VSX2: variants seen among roughly 807,000 people sequenced by gnomAD.
The protein encoded by VSX2 is ceh-10 homeo domain containing homolog.
A neutral mutation model predicts 32.1 loss-of-function variants in VSX2; 28 were observed. That is an observed-to-expected ratio of 0.87 (90% CI 0.65 to 1.20). The LOEUF is 1.20. VSX2 is among the 50% of genes most tolerant of loss of function. The pLI, the probability that VSX2 is intolerant of heterozygous loss-of-function variation, is 0.00. For synonymous variants in VSX2, 243 were observed against 214.1 expected, an observed-to-expected ratio of 1.14 and a Z score of -1.18; for missense variants, 506 against 488.7, an observed-to-expected ratio of 1.04 and a Z score of -0.33.
chr14:74,255,499 C>T (rs1292846090), intron 3 of VSX2, among the ~76,000 whole-genome samples: 4 of 152,188 alleles, frequency 2.6e-5, no homozygotes, highest in African/African-American at 9.7e-5. Flanking sequence ...GGCACTGGCT[C>T]CCCTGGGAGA....
intron 3 of VSX2, among the ~76,000 whole-genome samples, chr14:74,246,084 G>A (rs2079190257): frequency 6.6e-6 from 1 of 152,242 alleles, no homozygotes; most frequent in South Asian, 2.1e-4. Context: ...GGAGGATGGA[G>A]TCTGGGCAGG....
Position 74,258,683 on chromosome 14 carries a change from TG to T in VSX2, c.580-914del, listed in dbSNP as rs1256840042. Reference sequence around the variant, plus strand: ...GCGGGAAATCTCCGGAAAGCTGCTCTGGGGGACCAAGAAATGTTCCCTCCTC... The same window carrying T: ...GCGGGAAATCTCCGGAAAGCTGCTCTGGGGACCAAGAAATGTTCCCTCCTC... On this transcript the variant is annotated intron_variant, in intron 3 of 4. Transcript: ENST00000261980. 3.9e-5 allele frequency among the ~76,000 whole-genome samples: 6 copies of T among 152,276 alleles called. No homozygotes were observed. In the East Asian group the frequency reaches 9.6e-4, roughly 24 times the overall value.
intron 2 of VSX2, 93 bp downstream of exon 2, chr14:74,241,359 G>C: frequency 2.2e-6 from 3 of 1,389,342 alleles, no homozygotes; most frequent in Non-Finnish European, 3.0e-6. Flanking sequence ...TATTTTCGCC[G>C]ACAACGGATC....
intron 3 of VSX2, among the ~76,000 whole-genome samples, chr14:74,247,357 C>T (rs1387860236): frequency 6.6e-6 from 1 of 152,190 alleles, no homozygotes; most frequent in Non-Finnish European, 1.5e-5. Flanking sequence ...TGGCTGGGCT[C>T]CTGGCCGGGC....
At chr14:74,249,545 C>T (rs1225025803) in intron 3 of VSX2, among the ~76,000 whole-genome samples, 1 of 152,210 alleles carries the variant, frequency 6.6e-6, no homozygotes, top group East Asian at 1.9e-4. Context: ...GCTGGGATTA[C>T]AGGTGTAAAC....
At chr14:74,241,032 G>C (rs1455836456) in intron 1 of VSX2, 150 bp from the exon 2 acceptor site, 5 of 742,098 alleles carry the variant, frequency 6.7e-6, no homozygotes, top group Non-Finnish European at 9.3e-6. Context: ...TCAGGGATGG[G>C]ACGGCCACCG....
intron 2 of VSX2, among the ~76,000 whole-genome samples, chr14:74,243,403 C>T (rs963160385): frequency 2.6e-5 from 4 of 152,114 alleles, no homozygotes; most frequent in African/African-American, 9.7e-5. Context: ...AGTGTGTCAG[C>T]TCTGAGGCAT....
In VSX2 at chr14:74,260,896, C is replaced by T; in HGVS notation, c.1063C>T (p.Pro355Ser). 6.4e-7 allele frequency: 1 copy of T among 1,562,234 alleles called. No homozygotes were observed. The highest frequency in any genetic ancestry group is 8.7e-7 in the Non-Finnish European group (1 of 1,154,056). ...EDRPAERLSP[P>S]QLEDMA ...CAGGCCGGCGGAGAGGCTCAGTCCA[C>T]CGCAGCTGGAGGACATGGCTTAGGT... Residue 355 changes from proline (P) to serine (S), a missense_variant, in exon 5 of 5, where the codon CCG becomes TCG. Physicochemically the swap from Pro to Ser is moderately conservative, Grantham distance 74. Coordinates refer to ENST00000261980, the MANE Select transcript of VSX2 (RefSeq NM_182894.3).
rs1368230789 is a variant in VSX2, at chr14:74,239,726, C to A, written c.165C>A (p.Gly55=). The A allele has an allele frequency of 1.3e-6, 2 of 1,549,250 alleles. No individual in the cohort carries two copies. The highest frequency in any genetic ancestry group is 1.7e-6 in the Non-Finnish European group (2 of 1,146,706). The change falls in exon 1 of 5, where the codon GGC becomes GGA. Residue 55 remains glycine, a synonymous_variant. Transcript: ENST00000261980. The part of the protein sequence containing the change: ...PSSHPRAALD[G]LAPGHLLAAR... ...CCCACCCGCGGGCAGCGCTCGACGG[C>A]CTGGCCCCCGGGCACTTGCTGGCGG...
At chr14:74,258,073 T>G (rs1237963430) in intron 3 of VSX2, among the ~76,000 whole-genome samples, 3 of 151,060 alleles carry the variant, frequency 2.0e-5, no homozygotes, top group African/African-American at 7.3e-5. Flanking sequence ...AGGGGGAAAA[T>G]CCTAAACAAA....
intron 3 of VSX2, among the ~76,000 whole-genome samples, chr14:74,248,540 A>C (rs894057004): frequency 1.7e-4 from 26 of 151,776 alleles, no homozygotes; most frequent in African/African-American, 5.1e-4. Flanking sequence ...AAAATTTAAA[A>C]ATTAGCCGAG....
At chr14:74,259,549 T>C (rs1315621748) in intron 3 of VSX2, 53 bp from the exon 4 acceptor site, 1 of 1,610,330 alleles carries the variant, frequency 6.2e-7, no homozygotes, top group Non-Finnish European at 8.5e-7. Flanking sequence ...GGTAAGGGCC[T>C]TGGGCCCAGC....
intron 2 of VSX2, among the ~76,000 whole-genome samples, chr14:74,244,909 T>TGTGTGTGTGTGAGAGAGAAAGAGAGAAA (rs2079175845): frequency 8.3e-5 from 9 of 108,530 alleles, no homozygotes; most frequent in African/African-American, 3.1e-4. Flanking sequence ...TGTGTGTGTG[T>TGTGTGTGTGTGAGAGAGAAAGAGAGAAA]GTGTGTGTGT....
intron 4 of VSX2, 141 bp from the exon 5 acceptor site, chr14:74,260,453 T>G: frequency 2.2e-6 from 2 of 910,354 alleles, no homozygotes; most frequent in Non-Finnish European, 3.5e-6. Context: ...GGTCCAGCCC[T>G]GGGACTTGTG....
intron 2 of VSX2, among the ~76,000 whole-genome samples, chr14:74,244,146 T>C (rs2079168759): frequency 6.6e-6 from 1 of 152,180 alleles, no homozygotes; most frequent in Admixed American, 6.5e-5. Context: ...GAGGCAAAAT[T>C]TTACAAATTG....
rs528252884 is a variant in VSX2 at position 74,245,147 on chromosome 14, C to T, written c.456-18C>T. The T allele has an allele frequency of 3.2e-5, 51 of 1,613,320 alleles. No individual in the cohort carries two copies. In the South Asian group the frequency reaches 3.4e-4, roughly 11 times the overall value. On this transcript the variant is annotated intron_variant, in intron 2 of 4. Transcript: ENST00000261980. ...TTTAGTTTCTGGGGTCCTGAGTGTT[C>T]GGTCTTGCTCCCCTCAGGACAATCT...
At chr14:74,259,916 A>G (rs543451519) in intron 4 of VSX2, 134 bp downstream of exon 4, 15 of 989,194 alleles carry the variant, frequency 1.5e-5, no homozygotes, top group Non-Finnish European at 2.0e-5. Context: ...TTCAAAGCAA[A>G]CCTCTTGGTC....
intron 3 of VSX2, among the ~76,000 whole-genome samples, chr14:74,253,995 C>T (rs1002319634): frequency 1.1e-4 from 16 of 152,168 alleles, no homozygotes; most frequent in African/African-American, 3.9e-4. Flanking sequence ...CACCTAGAGG[C>T]AGAGCAGAAA....
intron 3 of VSX2, among the ~76,000 whole-genome samples, chr14:74,246,901 A>G (rs545788612): frequency 2.6e-5 from 4 of 152,232 alleles, no homozygotes; most frequent in African/African-American, 9.6e-5. Context: ...CCTCAGCTGT[A>G]ACTGCATTGC....
Sources: allele counts gnomAD v4.1 joint callset (sites outside exome capture counted in the v4.1 genomes callset), GRCh38; gene constraint gnomAD v4.1.1; transcripts MANE v1.5; gene names NCBI Gene and HGNC (gene_info 2026-07-23, HGNC 2026-07-21).